Variants in ZNF608 observed in about 807,000 individuals in gnomAD.
ZNF608 encodes the protein renal carcinoma antigen NY-REN-36.
ZNF608 carries 12 observed loss-of-function variants against 109.0 expected under a neutral mutation model. The observed-to-expected ratio is 0.11, with a 90% CI of 0.07 to 0.18. The LOEUF is 0.18. ZNF608 is among the 10% of genes least tolerant of loss of function. The pLI is 1.00. For synonymous variants in ZNF608, 732 were observed against 717.4 expected (o/e 1.02, Z -0.33); for missense variants, 1,707 against 1,879.3 (o/e 0.91, Z 1.70).
rs536809975 is a variant in ZNF608 at position 124,703,733 on chromosome 5, G to A, written c.907-2464C>T. On this transcript the variant is annotated intron_variant, in intron 2 of 9. Coordinates refer to ENST00000513986, the MANE Select transcript of ZNF608 (RefSeq NM_020747.3). ...CAGTGAGCTATGATCATGCCATGGC[G>A]CTACAGCCTGGGCAACAAAGCAAGC... Among the ~76,000 whole-genome samples the A allele has an allele frequency of 1.7e-4, 26 of 152,200 alleles. No individual in the cohort carries two copies. In the East Asian group the frequency reaches 1.7e-3, roughly 10 times the overall value.
intron 2 of ZNF608, among the ~76,000 whole-genome samples, chr5:124,738,816 A>ATC (rs1432800715): frequency 1.3e-5 from 2 of 152,008 alleles, no homozygotes; most frequent in East Asian, 3.8e-4. Context: ...ACAAAGAAGG[A>ATC]TCTCAACTGA....
At chr5:124,680,847 A>T (rs2149824706) in intron 3 of ZNF608, among the ~76,000 whole-genome samples, 1 of 152,276 alleles carries the variant, frequency 6.6e-6, no homozygotes, top group African/African-American at 2.4e-5. Flanking sequence ...AATGCCAATA[A>T]CCAAAATAGA....
chr5:124,685,475 T>C (rs935666539), intron 3 of ZNF608, among the ~76,000 whole-genome samples: 11 of 152,188 alleles, frequency 7.2e-5, no homozygotes, highest in African/African-American at 2.7e-4. Context: ...CTTTCCAAAA[T>C]ACACAAACAA....
At chr5:124,719,813 C>G (rs1035991383) in intron 2 of ZNF608, among the ~76,000 whole-genome samples, 2 of 152,180 alleles carry the variant, frequency 1.3e-5, no homozygotes, top group South Asian at 4.1e-4. Flanking sequence ...CAGTAAAATC[C>G]TAACCTACCT....
chr5:124,721,674 G>T (rs541882222), intron 2 of ZNF608, among the ~76,000 whole-genome samples: 1 of 152,118 alleles, frequency 6.6e-6, no homozygotes, highest in African/African-American at 2.4e-5. Context: ...AGTGGCTCAC[G>T]CCTGTAATCT....
intron 3 of ZNF608, among the ~76,000 whole-genome samples, chr5:124,700,441 C>G (rs887799078): frequency 6.6e-6 from 1 of 152,152 alleles, no homozygotes; most frequent in African/African-American, 2.4e-5. Context: ...AATGGCTTGC[C>G]GAGTTAAGGA....
chr5:124,711,597 T>C (rs544987613), intron 2 of ZNF608, among the ~76,000 whole-genome samples: 3 of 152,306 alleles, frequency 2.0e-5, no homozygotes, highest in South Asian at 2.1e-4. Context: ...TTTAGATGGG[T>C]TGCCGTTTAA....
At chr5:124,665,182 A>C (rs557140843) in intron 3 of ZNF608, among the ~76,000 whole-genome samples, 2,203 of 105,058 alleles carry the variant, frequency 0.021, 39 homozygotes, top group African/African-American at 0.087. Flanking sequence ...CCTCCCCCCA[A>C]AAAAAAAAAA....
At chr5:124,735,038 T>G (rs915165689) in intron 2 of ZNF608, 2 of 152,152 alleles carry the variant, frequency 1.3e-5, no homozygotes, top group African/African-American at 4.8e-5. Flanking sequence ...ATATTCGGCT[T>G]TCGGGAAAAA....
intron 3 of ZNF608, among the ~76,000 whole-genome samples, chr5:124,668,488 C>T (rs1276085609): frequency 6.6e-6 from 1 of 151,908 alleles, no homozygotes; most frequent in Non-Finnish European, 1.5e-5. Context: ...GAAACTAGGG[C>T]CCAGAGAGGT....
intron 3 of ZNF608, among the ~76,000 whole-genome samples, chr5:124,678,186 TA>T (rs1226965537): frequency 1.3e-5 from 2 of 152,124 alleles, no homozygotes; most frequent in Non-Finnish European, 2.9e-5. Flanking sequence ...AAGAAGGCAT[TA>T]TTCATGCCTT....
At chr5:124,657,504 T>TA (rs1430885402) in intron 3 of ZNF608, among the ~76,000 whole-genome samples, 7 of 150,250 alleles carry the variant, frequency 4.7e-5, no homozygotes, top group Admixed American at 2.0e-4. Context: ...TACTAAAAAA[T>TA]AAAAAAATAA....
chr5:124,742,214 C>G (rs1211803024), intron 2 of ZNF608, among the ~76,000 whole-genome samples: 1 of 152,192 alleles, frequency 6.6e-6, no homozygotes, highest in Non-Finnish European at 1.5e-5. Context: ...ACTGGAGAAA[C>G]GACACCACGC....
intron 2 of ZNF608, among the ~76,000 whole-genome samples, chr5:124,702,385 G>C (rs1415906126): frequency 6.6e-6 from 1 of 151,856 alleles, no homozygotes; most frequent in Non-Finnish European, 1.5e-5. Context: ...TATGTAAAAA[G>C]GGCGCATCGA....
intron 2 of ZNF608, among the ~76,000 whole-genome samples, chr5:124,741,939 G>A (rs1749427732): frequency 6.6e-6 from 1 of 152,082 alleles, no homozygotes; most frequent in Admixed American, 6.6e-5. Context: ...GCCTTTGAGG[G>A]GCCCCTGTGC....
At chr5:124,736,499 G>C (rs992491913) in intron 2 of ZNF608, among the ~76,000 whole-genome samples, 2 of 152,024 alleles carry the variant, frequency 1.3e-5, no homozygotes, top group African/African-American at 4.8e-5. Flanking sequence ...GGTGAATAAT[G>C]GATAAAACTG....
intron 2 of ZNF608, among the ~76,000 whole-genome samples, chr5:124,721,939 C>G: frequency 1.1e-4 from 2 of 17,838 alleles, no homozygotes; most frequent in Non-Finnish European, 2.2e-4. Context: ...GAGACTCTGT[C>G]TCAAAAAAAA....
chr5:124,737,085 T>G (rs1265080409), intron 2 of ZNF608, among the ~76,000 whole-genome samples: 1 of 152,212 alleles, frequency 6.6e-6, no homozygotes, highest in Non-Finnish European at 1.5e-5. Flanking sequence ...TAAAAGTCCC[T>G]TTAAGTAAAA....
At chr5:124,733,136 A>G (rs970598488) in intron 2 of ZNF608, among the ~76,000 whole-genome samples, 1 of 149,926 alleles carries the variant, frequency 6.7e-6, no homozygotes, top group Admixed American at 6.6e-5. Context: ...CATCCATAGG[A>G]TTTGGCGACC....
Sources: allele counts gnomAD v4.1 joint callset (sites outside exome capture counted in the v4.1 genomes callset), GRCh38; gene constraint gnomAD v4.1.1; transcripts MANE v1.5; gene names NCBI Gene and HGNC (gene_info 2026-07-23, HGNC 2026-07-21).